Variants in SLC14A2 observed in about 807,000 individuals in gnomAD.
SLC14A2 encodes solute carrier family 14 member 2, also known as urea transporter 2.
A neutral mutation model predicts 104.6 loss-of-function variants in SLC14A2; 91 were observed. The ratio of observed to expected loss-of-function variants is 0.87; its 90% confidence interval spans 0.73 to 1.04. The LOEUF (loss-of-function observed/expected upper bound fraction) is 1.04, where lower values mean the gene tolerates loss of function less well. Ranked by LOEUF, SLC14A2 falls within the 50% of genes least tolerant of loss-of-function variation. SLC14A2 has a pLI of 0.00. For missense variants in SLC14A2, 1,189 were observed against 1,156.0 expected (o/e 1.03, Z -0.41); for synonymous variants, 476 against 466.4 (o/e 1.02, Z -0.27).
At chr18:45,178,872 T>C in the SLC14A2 span, among the ~76,000 whole-genome samples, 1 of 152,192 alleles carries the variant, frequency 6.6e-6, no homozygotes, top group Non-Finnish European at 1.5e-5. Flanking sequence ...CTTAATAAAA[T>C]ATTTTTGAGC....
intron 2 of SLC14A2, among the ~76,000 whole-genome samples, chr18:45,510,907 A>C (rs918672740): frequency 4.6e-5 from 7 of 152,206 alleles, no homozygotes; most frequent in Non-Finnish European, 7.3e-5. Flanking sequence ...GTCTGTACAC[A>C]GCACTCACAC....
intron 1 of SLC14A2, among the ~76,000 whole-genome samples, chr18:45,387,216 G>A (rs892767823): frequency 1.5e-4 from 23 of 152,094 alleles, no homozygotes; most frequent in Non-Finnish European, 2.1e-4. Context: ...TCTTAAAAGG[G>A]TATGCTACTT....
At chr18:45,426,714 C>T (rs1040851537) in intron 1 of SLC14A2, among the ~76,000 whole-genome samples, 2 of 151,014 alleles carry the variant, frequency 1.3e-5, no homozygotes, top group Non-Finnish European at 2.9e-5. Flanking sequence ...CACACACACA[C>T]ACACACACAC....
intron 1 of SLC14A2, among the ~76,000 whole-genome samples, chr18:45,478,322 T>C (rs1408151011): frequency 1.3e-5 from 2 of 152,154 alleles, no homozygotes; most frequent in Non-Finnish European, 2.9e-5. Context: ...ATCCACTGTC[T>C]AACCAGTCCC....
intron 1 of SLC14A2, among the ~76,000 whole-genome samples, chr18:45,449,197 T>C (rs1015327166): frequency 6.6e-6 from 1 of 152,190 alleles, no homozygotes; most frequent in Non-Finnish European, 1.5e-5. Flanking sequence ...GAGTCCTTTG[T>C]CTGGACAGTT....
chr18:45,624,717 A>G lies in SLC14A2; in HGVS notation c.53A>G (p.Tyr18Cys), dbSNP rs142264831. 10 of 1,613,460 alleles carry G rather than the reference A, an allele frequency of 6.2e-6. No individual in the cohort carries two copies. The African/African-American group carries it at 1.1e-4, about 17-fold the overall frequency. ...CTGCCAGAGCCACTTTCCAGCAGAT[A>G]CAAACTCTACGAGGCAGAGTTTACC... ...PLLPEPLSSRYKLYEAEFTSP... is the reference protein window; with the variant it reads ...PLLPEPLSSRCKLYEAEFTSP... Residue 18 changes from tyrosine (Y) to cysteine (C), a missense_variant, in exon 2 of 20, where the codon TAC (tyrosine) becomes TGC (cysteine). By Grantham distance (194) the Tyr-to-Cys change is radical. Coordinates refer to ENST00000255226, the MANE Select transcript of SLC14A2 (RefSeq NM_007163.4).
At chr18:45,222,377 C>A (rs2084071411) in intron 1 of SLC14A2, among the ~76,000 whole-genome samples, 1 of 152,180 alleles carries the variant, frequency 6.6e-6, no homozygotes, top group Admixed American at 6.5e-5. Context: ...CCATGAAGAA[C>A]TGCAGACTAA....
At chr18:45,636,968 C>T (rs1568307850) in intron 5 of SLC14A2, 22 bp from the exon 6 acceptor site, 5 of 1,601,280 alleles carry the variant, frequency 3.1e-6, no homozygotes, top group Non-Finnish European at 3.4e-6. Context: ...AGGGATTAAC[C>T]CTCTGTCTCT....
chr18:45,576,444 C>A (rs977005454), intron 2 of SLC14A2, among the ~76,000 whole-genome samples: 1 of 151,922 alleles, frequency 6.6e-6, no homozygotes. Flanking sequence ...CCACCACGCC[C>A]GGCTAATTTG....
At chr18:45,528,732 T>C (rs1040047833) in intron 2 of SLC14A2, 1 of 152,130 alleles carries the variant, frequency 6.6e-6, no homozygotes, top group African/African-American at 2.4e-5. Flanking sequence ...TCTATTCAGT[T>C]AATTGAAAAA....
Position 45,571,403 on chromosome 18 carries a change from C to T in SLC14A2, c.-34-53228C>T, listed in dbSNP as rs971383841. 6.6e-5 allele frequency among the ~76,000 whole-genome samples: 10 copies of T among 152,376 alleles called. No individual in the cohort carries two copies. In the East Asian group the frequency reaches 1.7e-3, roughly 26 times the overall value. ...ATCCAGGCTCTGCCTGGGGGCTCTT[C>T]CCTCCAAGATGCTATGCCACAAAGC... On this transcript the variant is annotated intron_variant, in intron 2 of 20. Transcript: ENST00000586448.
intron 2 of SLC14A2, among the ~76,000 whole-genome samples, chr18:45,548,061 T>A (rs1481166000): frequency 6.6e-6 from 1 of 152,198 alleles, no homozygotes; most frequent in African/African-American, 2.4e-5. Context: ...GCCAGCTTGA[T>A]TTCTGATGTC....
At chr18:45,214,932 A>G (rs1405744324) in intron 1 of SLC14A2, among the ~76,000 whole-genome samples, 103 of 149,606 alleles carry the variant, frequency 6.9e-4, no homozygotes, top group East Asian at 2.1e-3. Context: ...AAAAAAAAAA[A>G]AAAGAAAAGA....
chr18:45,643,170 A>C lies in SLC14A2; in HGVS notation c.1165A>C (p.Ile389Leu). Residue 389 changes from isoleucine to leucine, a missense_variant, in exon 9 of 20, where the codon ATC becomes CTC. Ile to Leu is a conservative substitution (Grantham distance 5, BLOSUM62 2). Transcript: ENST00000255226. ...CAYMEAAISNIMSVVGVPPGT... is the reference protein window; with the variant it reads ...CAYMEAAISNLMSVVGVPPGT... ...ATACATGGAAGCAGCCATCTCCAACATCATGTCAGTGGTAAGTGTGGATTC... is the reference window on the plus strand; with the variant it reads ...ATACATGGAAGCAGCCATCTCCAACCTCATGTCAGTGGTAAGTGTGGATTC... The C allele has an allele frequency of 6.2e-7, 1 of 1,614,032 alleles. No homozygotes were observed. The highest frequency in any genetic ancestry group is 8.5e-7 in the Non-Finnish European group (1 of 1,179,870).
At chr18:45,169,504 C>T in the SLC14A2 span, among the ~76,000 whole-genome samples, 1 of 152,152 alleles carries the variant, frequency 6.6e-6, no homozygotes, top group Non-Finnish European at 1.5e-5. Context: ...GTGTTACCTC[C>T]AGAGATTTTG....
At chr18:45,659,859 T>C (rs1384861234) in intron 10 of SLC14A2, among the ~76,000 whole-genome samples, 1 of 151,634 alleles carries the variant, frequency 6.6e-6, no homozygotes, top group Non-Finnish European at 1.5e-5. Context: ...ACGTGGTGGC[T>C]CATGCTTGTA....
At chr18:45,385,462 G>T (rs1358993403) in intron 1 of SLC14A2, among the ~76,000 whole-genome samples, 1 of 152,218 alleles carries the variant, frequency 6.6e-6, no homozygotes, top group Non-Finnish European at 1.5e-5. Flanking sequence ...GAGCAGAGGA[G>T]AGAGGAGATG....
chr18:45,418,787 G>A (rs572959634), intron 1 of SLC14A2, among the ~76,000 whole-genome samples: 2 of 152,180 alleles, frequency 1.3e-5, no homozygotes, highest in South Asian at 4.1e-4. Context: ...ATCATCTGAG[G>A]AGGTGGATTT....
chr18:45,668,866 AC>A (rs1313280444), intron 15 of SLC14A2, among the ~76,000 whole-genome samples: 1 of 151,854 alleles, frequency 6.6e-6, no homozygotes, highest in East Asian at 1.9e-4. Flanking sequence ...GACCAAGACC[AC>A]CTCCCAGGGT....
Sources: gnomAD v4.1 joint callset for allele counts (sites outside exome capture counted in the v4.1 genomes callset) on GRCh38, gnomAD v4.1.1 for gene constraint, MANE v1.5 for transcripts, NCBI Gene and HGNC (gene_info 2026-07-23, HGNC 2026-07-21) for gene names.